The following SLC35F3 variants were observed in gnomAD, a reference collection of about 807,000 sequenced individuals.
The protein encoded by SLC35F3 is putative thiamine transporter SLC35F3.
Under a neutral mutation model 49.9 loss-of-function variants are expected in SLC35F3, and 25 were observed. The observed-to-expected ratio is 0.50, with a 90% confidence interval of 0.37 to 0.70. SLC35F3 has a LOEUF of 0.70. Among genes scored for constraint, SLC35F3 ranks in the 30% least tolerant of loss-of-function variants. The pLI, the probability that SLC35F3 is intolerant of heterozygous loss-of-function variation, is 0.00. For missense variants in SLC35F3, 525 were observed against 639.8 expected, an observed-to-expected ratio of 0.82 and a Z score of 1.94; for synonymous variants, 275 against 265.4, an observed-to-expected ratio of 1.04 and a Z score of -0.35.
At chr1:234,242,303 C>T (rs1006881454) in intron 3 of SLC35F3, among the ~76,000 whole-genome samples, 1 of 152,178 alleles carries the variant, frequency 6.6e-6, no homozygotes, top group African/African-American at 2.4e-5. Context: ...CGCTTCCCAG[C>T]CTGCTCTAGA....
intron 2 of SLC35F3, among the ~76,000 whole-genome samples, chr1:234,196,015 G>A (rs1572090435): frequency 6.6e-6 from 1 of 152,048 alleles, no homozygotes; most frequent in East Asian, 1.9e-4. Context: ...ACCCAGTCTT[G>A]GGTATGTTTT....
chr1:234,156,172 A>C (rs1666148773), intron 2 of SLC35F3, among the ~76,000 whole-genome samples: 1 of 152,236 alleles, frequency 6.6e-6, no homozygotes, highest in Admixed American at 6.5e-5. Flanking sequence ...AAAATTAACA[A>C]TGTCAAGAAA....
At chr1:234,198,039 A>T (rs1280014410) in intron 2 of SLC35F3, among the ~76,000 whole-genome samples, 1 of 152,240 alleles carries the variant, frequency 6.6e-6, no homozygotes, top group East Asian at 1.9e-4. Flanking sequence ...GATATGCTGT[A>T]AACATAAAAC....
intron 4 of SLC35F3, among the ~76,000 whole-genome samples, chr1:234,314,085 G>T (rs1201564193): frequency 6.6e-6 from 1 of 152,190 alleles, no homozygotes; most frequent in East Asian, 1.9e-4. Context: ...CACAGCCAGG[G>T]ATGTCAACAC....
At chr1:234,237,581 T>C (rs1667493687) in intron 3 of SLC35F3, among the ~76,000 whole-genome samples, 1 of 152,180 alleles carries the variant, frequency 6.6e-6, no homozygotes, top group African/African-American at 2.4e-5. Flanking sequence ...CTGATGCATT[T>C]CTTACCCTGA....
chr1:234,011,378 A>G (rs907012948), intron 2 of SLC35F3, among the ~76,000 whole-genome samples: 2 of 152,204 alleles, frequency 1.3e-5, no homozygotes, highest in Admixed American at 6.5e-5. Flanking sequence ...TTGTATAATT[A>G]TTGTATGCTT....
At chr1:234,148,934 G>A (rs570377518) in intron 2 of SLC35F3, among the ~76,000 whole-genome samples, 17 of 152,326 alleles carry the variant, frequency 1.1e-4, no homozygotes, top group African/African-American at 4.1e-4. Flanking sequence ...GGGAAAACAT[G>A]TAGGGGCATG....
intron 3 of SLC35F3, among the ~76,000 whole-genome samples, chr1:234,289,313 A>G (rs769513426): frequency 1.3e-5 from 2 of 152,218 alleles, no homozygotes; most frequent in Non-Finnish European, 2.9e-5. Flanking sequence ...AAGAAAATAC[A>G]TACTGTTCTT....
chr1:234,293,739 A>G (rs1397447922), intron 3 of SLC35F3, among the ~76,000 whole-genome samples: 4 of 152,218 alleles, frequency 2.6e-5, no homozygotes, highest in Non-Finnish European at 5.9e-5. Flanking sequence ...CTGGCCTTGA[A>G]AAGCTTTCCA....
rs557382365 is a variant in SLC35F3 at position 233,945,506 on chromosome 1, A to C, written c.283+39748A>C. 5.9e-5 allele frequency among the ~76,000 whole-genome samples: 9 copies of C among 152,364 alleles called. No individual in the cohort carries two copies. The South Asian group carries it at 1.9e-3, about 32-fold the overall frequency. ...TGGGGATGAAATGAAATGTTTCTTC[A>C]TGGTATCCACAGCATCTGGAAAAGG... On this transcript the variant is annotated intron_variant, in intron 2 of 7. Coordinates refer to ENST00000366618, the MANE Select transcript of SLC35F3 (RefSeq NM_173508.4).
intron 2 of SLC35F3, among the ~76,000 whole-genome samples, chr1:234,206,130 T>G (rs1410840573): frequency 6.6e-6 from 1 of 151,980 alleles, no homozygotes; most frequent in African/African-American, 2.4e-5. Context: ...CACCTCTCTG[T>G]GTGACACTCC....
intron 2 of SLC35F3, among the ~76,000 whole-genome samples, chr1:233,928,055 G>A (rs11802061): frequency 0.45 from 67,980 of 151,770 alleles, 16,390 homozygotes; most frequent in Middle Eastern, 0.55. Context: ...AAGTCAAAAT[G>A]TTTGAAGACC....
At chr1:234,098,733 G>A (rs1417628811) in intron 2 of SLC35F3, among the ~76,000 whole-genome samples, 2 of 151,204 alleles carry the variant, frequency 1.3e-5, no homozygotes, top group African/African-American at 4.9e-5. Context: ...CAGTGGTAGT[G>A]ATGGTGTTAT....
chr1:234,303,954 G>C (rs894467507), intron 3 of SLC35F3, among the ~76,000 whole-genome samples: 1 of 151,588 alleles, frequency 6.6e-6, no homozygotes, highest in East Asian at 1.9e-4. Flanking sequence ...TCCTTCTGGG[G>C]TTTTTAGTTT....
At chr1:234,250,496 TA>T (rs1195068312) in intron 3 of SLC35F3, among the ~76,000 whole-genome samples, 1 of 151,094 alleles carries the variant, frequency 6.6e-6, no homozygotes, top group African/African-American at 2.4e-5. Flanking sequence ...CTACTAAAAA[TA>T]CAAAAAATTA....
At chr1:234,094,324 T>G (rs1185316824) in intron 2 of SLC35F3, among the ~76,000 whole-genome samples, 1 of 152,260 alleles carries the variant, frequency 6.6e-6, no homozygotes, top group African/African-American at 2.4e-5. Context: ...CAACCGGAAC[T>G]AGTAGGAAAT....
At chr1:234,162,970 C>T (rs1441799928) in intron 2 of SLC35F3, among the ~76,000 whole-genome samples, 5 of 152,202 alleles carry the variant, frequency 3.3e-5, no homozygotes, top group Non-Finnish European at 7.3e-5. Context: ...AGTAGATGCT[C>T]TAAGAATGTT....
chr1:234,153,600 C>T (rs1666105799), intron 2 of SLC35F3, among the ~76,000 whole-genome samples: 1 of 152,188 alleles, frequency 6.6e-6, no homozygotes, highest in South Asian at 2.1e-4. Context: ...TTATGATATA[C>T]TGTATTTTAG....
chr1:234,301,303 G>T (rs934032429), intron 3 of SLC35F3, among the ~76,000 whole-genome samples: 7 of 152,132 alleles, frequency 4.6e-5, no homozygotes, highest in Non-Finnish European at 1.0e-4. Flanking sequence ...ATCTGACAAA[G>T]GTCTAACATC....
Sources: allele counts gnomAD v4.1 joint callset (sites outside exome capture counted in the v4.1 genomes callset), GRCh38; gene constraint gnomAD v4.1.1; transcripts MANE v1.5; gene names NCBI Gene and HGNC (gene_info 2026-07-23, HGNC 2026-07-21).